Variants in BCO1 observed in about 807,000 individuals in gnomAD.
BCO1 encodes beta-carotene oxygenase 1, also known as beta,beta-carotene 15,15'-dioxygenase.
Under a neutral mutation model 56.3 loss-of-function variants are expected in BCO1, and 54 were observed. The ratio of observed to expected loss-of-function variants is 0.96; its 90% CI spans 0.77 to 1.20. The LOEUF (loss-of-function observed/expected upper bound fraction) is 1.20. Among genes scored for constraint, BCO1 ranks in the 50% most tolerant of loss-of-function variants. BCO1 has a pLI of 0.00. For missense variants in BCO1, 801 were observed against 690.9 expected, an observed-to-expected ratio of 1.16 and a Z score of -1.79; for synonymous variants, 318 against 266.1, an observed-to-expected ratio of 1.20 and a Z score of -1.90.
chr16:81,288,622 G>A (rs1412917445), intron 10 of BCO1, among the ~76,000 whole-genome samples: 8 of 152,166 alleles, frequency 5.3e-5, no homozygotes, highest in Non-Finnish European at 1.2e-4. Context: ...TCACAGAGCC[G>A]CTGGAAATGT....
intron 1 of BCO1, among the ~76,000 whole-genome samples, chr16:81,240,041 A>G (rs1232411572): frequency 1.3e-5 from 2 of 152,150 alleles, no homozygotes; most frequent in Non-Finnish European, 2.9e-5. Context: ...TCAACTGAGC[A>G]ATTGCCTTGG....
chr16:81,247,184 C>G (rs760922112), intron 2 of BCO1, among the ~76,000 whole-genome samples: 1 of 152,166 alleles, frequency 6.6e-6, no homozygotes, highest in Non-Finnish European at 1.5e-5. Context: ...TCCAGGCTTT[C>G]CAAAATTTTT....
chr16:81,240,420 C>G (rs1225951848), intron 1 of BCO1, among the ~76,000 whole-genome samples: 1 of 151,880 alleles, frequency 6.6e-6, no homozygotes, highest in Non-Finnish European at 1.5e-5. Flanking sequence ...AAAAGACACC[C>G]CACGGCCAGG....
At chr16:81,250,026 G>A (rs11150375) in intron 2 of BCO1, among the ~76,000 whole-genome samples, 61,807 of 151,898 alleles carry the variant, frequency 0.41, 12,697 homozygotes, top group Middle Eastern at 0.52. Context: ...TACTTTCCCA[G>A]TCAAACTCTT....
Position 81,290,633 on chromosome 16 carries a change from T to C in BCO1, c.*56T>C. ...CTCGGCTGTCAGAACTCCATGGATA[T>C]GTTTCTTTGGATGGAGGGGAGGGCC... On this transcript the variant is annotated 3_prime_UTR_variant, in exon 11 of 11. Transcript: ENST00000258168. 1.4e-6 allele frequency: 2 copies of C among 1,416,688 alleles called. No homozygotes were observed. Among genetic ancestry groups the C allele is most frequent in the South Asian group, 2.3e-5 (2 of 86,588 alleles). The allele number at this position is 1,416,688 out of a possible 1,614,324, so 87.8% of individuals were successfully genotyped here.
chr16:81,264,609 T>G, intron 4 of BCO1, 31 bp from the exon 5 acceptor site: 1 of 1,612,632 alleles, frequency 6.2e-7, no homozygotes, highest in South Asian at 1.1e-5. Flanking sequence ...TCGTAAATAC[T>G]TTAAAAAACA....
At chr16:81,267,669 C>G (rs1291581883) in intron 5 of BCO1, among the ~76,000 whole-genome samples, 1 of 152,126 alleles carries the variant, frequency 6.6e-6, no homozygotes, top group African/African-American at 2.4e-5. Flanking sequence ...GACCCCTTAC[C>G]TGGAGGGCTC....
At chr16:81,287,193 G>A (rs2150649341) in intron 9 of BCO1, 102 bp from the exon 10 acceptor site, 1 of 889,632 alleles carries the variant, frequency 1.1e-6, no homozygotes, top group Non-Finnish European at 1.9e-6. Context: ...TACATCCGAT[G>A]GGCTTCATCT....
At chr16:81,239,057 C>G (rs1377981058) in intron 1 of BCO1, 85 bp downstream of exon 1, 6 of 1,259,858 alleles carry the variant, frequency 4.8e-6, no homozygotes, top group Non-Finnish European at 6.6e-6. Flanking sequence ...CGCTCTGTCG[C>G]CCGGGCTGGA....
At chr16:81,242,238 C>T (rs898903978) in intron 1 of BCO1, among the ~76,000 whole-genome samples, 12 of 129,466 alleles carry the variant, frequency 9.3e-5, no homozygotes, top group African/African-American at 1.8e-4. Context: ...TTCACTCTGT[C>T]GCCCAGGCAA....
rs562148398 is a variant in BCO1, at chr16:81,245,365, C to A, written c.65-110C>A. On this transcript the variant is annotated intron_variant, in intron 1 of 10. Coordinates refer to ENST00000258168, the MANE Select transcript of BCO1 (RefSeq NM_017429.3). ...TGACTGTAGAATAAACGAACAGATG[C>A]AAGGAGTGGTACTGGGACCACAACT... 5 of 1,495,910 alleles carry A rather than the reference C, an allele frequency of 3.3e-6. No individual in the cohort carries two copies. The African/African-American group carries it at 5.5e-5, about 17-fold the overall frequency. The allele number at this position is 1,495,910 out of a possible 1,614,324, so 92.7% of individuals were successfully genotyped here.
At chr16:81,256,786 G>A (rs1906162417) in intron 2 of BCO1, among the ~76,000 whole-genome samples, 1 of 152,084 alleles carries the variant, frequency 6.6e-6, no homozygotes, top group Non-Finnish European at 1.5e-5. Flanking sequence ...TATTTGGGAA[G>A]CTGAGGCAGG....
At chr16:81,286,194 C>T (rs149182533) in intron 9 of BCO1, among the ~76,000 whole-genome samples, 1 of 152,296 alleles carries the variant, frequency 6.6e-6, no homozygotes, top group East Asian at 1.9e-4. Flanking sequence ...GCCCATTTTG[C>T]TTCTTAAGCT....
At chr16:81,266,037 C>T (rs955631120) in intron 5 of BCO1, among the ~76,000 whole-genome samples, 5 of 152,144 alleles carry the variant, frequency 3.3e-5, no homozygotes, top group African/African-American at 9.7e-5. Context: ...ACCCACCTAT[C>T]GATTCATCCT....
rs758271353 is a variant in BCO1 at position 81,262,166 on chromosome 16, C to T, written c.354C>T (p.Pro118=). The T allele has an allele frequency of 6.2e-7, 1 of 1,614,032 alleles. No individual in the cohort carries two copies. The highest frequency in any genetic ancestry group is 8.5e-7 in the Non-Finnish European group (1 of 1,179,982). The part of the protein sequence containing the change: ...KAFSYLSHTI[P]DFTDNCLINI... ...TCTCCTACTTGTCTCACACCATCCC[C>T]GATTTCACCGACAACTGCCTGATCA... The change falls in exon 4 of 11, where the codon CCC becomes CCT. Residue 118 remains proline, a synonymous_variant. Transcript: ENST00000258168.
chr16:81,246,534 G>C (rs1015704864), intron 2 of BCO1, among the ~76,000 whole-genome samples: 4 of 152,008 alleles, frequency 2.6e-5, no homozygotes, highest in African/African-American at 9.7e-5. Flanking sequence ...AATCAGACAT[G>C]CCTAAAGTTG....
chr16:81,269,325 T>A (rs1253199739), intron 6 of BCO1, among the ~76,000 whole-genome samples: 1 of 148,214 alleles, frequency 6.7e-6, no homozygotes, highest in Non-Finnish European at 1.5e-5. Context: ...TCAGATAGAG[T>A]CTCACTCTGT....
In BCO1 at chr16:81,238,901, C is replaced by G. The variant is rs1307089595; in HGVS notation, c.-8C>G. ...TGTTAAAATCGATCTCCCTCGGCAC[C>G]CTGAGCAATGGATATAATATTTGGC... On this transcript the variant is annotated 5_prime_UTR_variant, in exon 1 of 11. Transcript: ENST00000258168. The G allele has an allele frequency of 3.1e-6, 5 of 1,613,884 alleles. No individual in the cohort carries two copies. Among genetic ancestry groups the G allele is most frequent in the South Asian group, 1.1e-5 (1 of 91,064 alleles).
chr16:81,245,518 G>T lies in BCO1; in HGVS notation c.108G>T (p.Gly36=). 1.1e-5 allele frequency: 17 copies of T among 1,613,754 alleles called. No individual in the cohort carries two copies. Among genetic ancestry groups the T allele is most frequent in the Non-Finnish European group, 1.4e-5 (17 of 1,179,690 alleles). Residue 36 remains glycine, a synonymous_variant, in exon 2 of 11, where the codon GGG becomes GGT. Coordinates refer to ENST00000258168, the MANE Select transcript of BCO1 (RefSeq NM_017429.3). ...AWLQGTLLRN[G]PGMHTVGESR... ...TGCAGGGAACCCTGCTCCGCAATGG[G>T]CCTGGGATGCACACAGTTGGGGAGT...
Sources: gnomAD v4.1 joint callset for allele counts (sites outside exome capture counted in the v4.1 genomes callset) on GRCh38, gnomAD v4.1.1 for gene constraint, MANE v1.5 for transcripts, NCBI Gene and HGNC (gene_info 2026-07-23, HGNC 2026-07-21) for gene names.